The following FMN1 variants were observed in gnomAD, a reference collection of about 807,000 sequenced individuals.
FMN1 encodes formin 1, also known as formin-1.
FMN1 carries 110 observed loss-of-function variants against 132.4 expected under a neutral mutation model. The observed-to-expected ratio is 0.83, with a 90% CI of 0.71 to 0.97. The LOEUF (loss-of-function observed/expected upper bound fraction) is 0.97, where lower values mean the gene tolerates loss of function less well. Ranked by LOEUF, FMN1 falls within the 50% of genes least tolerant of loss-of-function variation. FMN1 has a pLI of 0.00. For missense variants in FMN1, 1,792 were observed against 1,705.3 expected, an observed-to-expected ratio of 1.05 and a Z score of -0.90; for synonymous variants, 722 against 651.7, an observed-to-expected ratio of 1.11 and a Z score of -1.64.
intron 6 of FMN1, among the ~76,000 whole-genome samples, chr15:33,018,775 T>A (rs2035232654): frequency 6.6e-6 from 1 of 152,146 alleles, no homozygotes; most frequent in African/African-American, 2.4e-5. Flanking sequence ...TGTTCGGAGT[T>A]TCTCCCTTCT....
At chr15:32,806,648 C>A (rs1227181146) in intron 17 of FMN1, among the ~76,000 whole-genome samples, 1 of 152,202 alleles carries the variant, frequency 6.6e-6, no homozygotes, top group Non-Finnish European at 1.5e-5. Context: ...CCTCCTCTTT[C>A]CCACACCCCT....
intron 19 of FMN1, among the ~76,000 whole-genome samples, chr15:32,790,407 A>G (rs1429415449): frequency 6.6e-6 from 1 of 152,244 alleles, no homozygotes; most frequent in East Asian, 1.9e-4. Context: ...TACCTGGTAC[A>G]TGTAAACAAG....
chr15:33,089,028 A>C, intron 4 of FMN1, 54 bp from the exon 5 acceptor site: 2 of 1,445,984 alleles, frequency 1.4e-6, no homozygotes, highest in South Asian at 1.3e-5. Flanking sequence ...TAAATAAATA[A>C]ATAAAGCCAT....
intron 7 of FMN1, among the ~76,000 whole-genome samples, chr15:32,975,061 A>T (rs971536048): frequency 6.6e-6 from 1 of 152,168 alleles, no homozygotes; most frequent in Non-Finnish European, 1.5e-5. Context: ...TCTTTCACAC[A>T]TGCTGTTTCA....
At chr15:32,973,470 T>C (rs928279275) in intron 7 of FMN1, among the ~76,000 whole-genome samples, 2 of 152,066 alleles carry the variant, frequency 1.3e-5, no homozygotes, top group African/African-American at 4.8e-5. Flanking sequence ...AATGACCAAA[T>C]AAGAAGGAAA....
chr15:32,984,517 A>C (rs1275916112), intron 7 of FMN1, among the ~76,000 whole-genome samples: 25 of 152,124 alleles, frequency 1.6e-4, no homozygotes, highest in Admixed American at 1.6e-3. Context: ...TCATGGGGAG[A>C]GAAAGAAACT....
chr15:32,823,230 C>A (rs1168906809), intron 17 of FMN1, among the ~76,000 whole-genome samples: 1 of 135,844 alleles, frequency 7.4e-6, no homozygotes, highest in South Asian at 2.4e-4. Context: ...GGCTCAATCT[C>A]GGCTCACTGC....
intron 5 of FMN1, among the ~76,000 whole-genome samples, chr15:33,076,392 A>T (rs757674435): frequency 6.6e-6 from 1 of 152,232 alleles, no homozygotes; most frequent in African/African-American, 2.4e-5. Context: ...CTACTGCTAT[A>T]ACTTTTTCTT....
intron 4 of FMN1, among the ~76,000 whole-genome samples, chr15:33,114,312 A>G (rs345761): frequency 0.79 from 119,633 of 152,264 alleles, 47,190 homozygotes; most frequent in East Asian, 0.86. Flanking sequence ...TAGCATCCTA[A>G]AAGCCTAACT....
intron 4 of FMN1, among the ~76,000 whole-genome samples, chr15:33,132,525 C>G (rs1251249602): frequency 6.6e-6 from 1 of 152,082 alleles, no homozygotes. Flanking sequence ...ATTTAGAGCT[C>G]TGTAAGTCAC....
chr15:32,820,714 TA>T (rs1217457940), intron 17 of FMN1, among the ~76,000 whole-genome samples: 2 of 152,214 alleles, frequency 1.3e-5, no homozygotes, highest in South Asian at 2.1e-4. Flanking sequence ...AATGATAGTA[TA>T]ATTTAATACT....
intron 7 of FMN1, among the ~76,000 whole-genome samples, chr15:32,973,071 G>T (rs965983827): frequency 2.6e-5 from 4 of 152,118 alleles, no homozygotes; most frequent in Non-Finnish European, 5.9e-5. Flanking sequence ...AAGGCAATGA[G>T]CATTTTCTTG....
At chr15:32,959,843 C>G (rs12900473) in intron 9 of FMN1, among the ~76,000 whole-genome samples, 3,363 of 152,266 alleles carry the variant, frequency 0.022, 55 homozygotes, top group Non-Finnish European at 0.031. Context: ...TTTCAAGCAT[C>G]TGGAGAGAAA....
chr15:32,912,288 C>T (rs1406431218), intron 10 of FMN1, among the ~76,000 whole-genome samples: 1 of 152,096 alleles, frequency 6.6e-6, no homozygotes, highest in Non-Finnish European at 1.5e-5. Flanking sequence ...TCAGCTGTGC[C>T]CCTTCCAGTG....
intron 6 of FMN1, among the ~76,000 whole-genome samples, chr15:33,025,746 A>ATTCT (rs2035634434): frequency 6.6e-6 from 1 of 152,228 alleles, no homozygotes; most frequent in African/African-American, 2.4e-5. Flanking sequence ...AAAATGATAC[A>ATTCT]GAATGACACA....
intron 16 of FMN1, among the ~76,000 whole-genome samples, chr15:32,877,710 A>G (rs115058360): frequency 0.014 from 2,170 of 152,288 alleles, 41 homozygotes; most frequent in African/African-American, 0.05. Context: ...CAAGGCCATC[A>G]GTTTTCTCTT....
At chr15:32,903,459 C>T (rs565805825) in intron 12 of FMN1, among the ~76,000 whole-genome samples, 2 of 152,254 alleles carry the variant, frequency 1.3e-5, no homozygotes, top group South Asian at 4.1e-4. Flanking sequence ...AGCATTTGAT[C>T]CTGTAATGAG....
intron 6 of FMN1, among the ~76,000 whole-genome samples, chr15:33,009,359 G>C (rs549968067): frequency 3.9e-5 from 6 of 152,236 alleles, no homozygotes; most frequent in African/African-American, 1.4e-4. Context: ...ACATGAACCA[G>C]ATCATCTCAT....
At chr15:33,150,062 A>G (rs1289454923) in intron 4 of FMN1, 5 of 985,346 alleles carry the variant, frequency 5.1e-6, no homozygotes, top group Non-Finnish European at 4.8e-6. Flanking sequence ...CCATCACCAC[A>G]TCAGTGACTT....
Sources: gnomAD v4.1 joint callset for allele counts (sites outside exome capture counted in the v4.1 genomes callset) on GRCh38, gnomAD v4.1.1 for gene constraint, MANE v1.5 for transcripts, NCBI Gene and HGNC (gene_info 2026-07-23, HGNC 2026-07-21) for gene names.